The following DCC variants were observed in gnomAD, a reference collection of about 807,000 sequenced individuals.
DCC encodes the protein DCC netrin 1 receptor, also known as netrin receptor DCC.
In DCC, 58 loss-of-function variants were observed where a neutral mutation model predicts 172.5. The ratio of observed to expected loss-of-function variants is 0.34; its 90% CI spans 0.27 to 0.42. The LOEUF is 0.42. Ranked by LOEUF, DCC falls within the 10% of genes least tolerant of loss-of-function variation. The pLI is 1.00. For synonymous variants in DCC, 709 were observed against 644.5 expected (o/e 1.10, Z -1.52); for missense variants, 1,740 against 1,791.0 (o/e 0.97, Z 0.51).
intron 2 of DCC, among the ~76,000 whole-genome samples, chr18:52,884,134 C>T (rs558344353): frequency 6.6e-6 from 1 of 152,000 alleles, no homozygotes; most frequent in South Asian, 2.1e-4. Flanking sequence ...ATGATCCTTT[C>T]TTTATCCTTG....
intron 8 of DCC, among the ~76,000 whole-genome samples, chr18:53,177,512 A>G (rs941588162): frequency 1.3e-5 from 2 of 152,120 alleles, no homozygotes; most frequent in Non-Finnish European, 2.9e-5. Context: ...TTCTGACTCT[A>G]TAAGGTATGG....
chr18:52,343,374 AT>A (rs778792697), intron 1 of DCC, among the ~76,000 whole-genome samples: 1 of 152,170 alleles, frequency 6.6e-6, no homozygotes, highest in South Asian at 2.1e-4. Context: ...GACTTTGTTG[AT>A]TGGTAACAAA....
At chr18:52,887,317 T>A (rs944143174) in intron 2 of DCC, among the ~76,000 whole-genome samples, 24 of 152,176 alleles carry the variant, frequency 1.6e-4, no homozygotes, top group African/African-American at 5.1e-4. Context: ...TTTTTTTTTT[T>A]TAAACTATCA....
At chr18:53,236,805 C>T (rs2056208830) in intron 12 of DCC, among the ~76,000 whole-genome samples, 1 of 152,008 alleles carries the variant, frequency 6.6e-6, no homozygotes, top group African/African-American at 2.4e-5. Flanking sequence ...GTTTTGTCGG[C>T]ACCATTTATT....
chr18:52,840,296 C>G (rs1023415206), intron 2 of DCC, among the ~76,000 whole-genome samples: 3 of 152,152 alleles, frequency 2.0e-5, no homozygotes, highest in Non-Finnish European at 4.4e-5. Context: ...AACATTTTAT[C>G]TGATGCTTTC....
chr18:53,528,610 A>G (rs2046485732), intron 28 of DCC, among the ~76,000 whole-genome samples: 1 of 152,144 alleles, frequency 6.6e-6, no homozygotes. Flanking sequence ...AATAAAGAGG[A>G]CAAATAGTGT....
At chr18:52,510,728 G>A (rs1217675575) in intron 1 of DCC, among the ~76,000 whole-genome samples, 2 of 152,168 alleles carry the variant, frequency 1.3e-5, no homozygotes, top group Non-Finnish European at 2.9e-5. Context: ...CGTAGGGAAT[G>A]TACTCTATTA....
intron 15 of DCC, among the ~76,000 whole-genome samples, chr18:53,351,339 A>ATATATATATACAG (rs2057797425): frequency 1.6e-5 from 1 of 64,436 alleles, no homozygotes; most frequent in Non-Finnish European, 3.6e-5. Flanking sequence ...TATACAGTGT[A>ATATATATATACAG]TATATATATA....
intron 5 of DCC, among the ~76,000 whole-genome samples, chr18:53,011,058 G>T (rs891366397): frequency 6.6e-6 from 1 of 151,250 alleles, no homozygotes; most frequent in East Asian, 1.9e-4. Context: ...TTTATACAAG[G>T]TATTAAATAT....
chr18:53,305,421 C>G (rs747893467), intron 12 of DCC, among the ~76,000 whole-genome samples, 157 bp from the exon 13 acceptor site: 6 of 152,194 alleles, frequency 3.9e-5, no homozygotes, highest in Non-Finnish European at 8.8e-5. Context: ...AGAATGCTGT[C>G]AGATTATAAG....
chr18:53,119,640 G>A (rs565438178), intron 7 of DCC, among the ~76,000 whole-genome samples: 1 of 151,920 alleles, frequency 6.6e-6, no homozygotes, highest in African/African-American at 2.4e-5. Flanking sequence ...TATTTTCATT[G>A]GGGGTTCTAA....
intron 12 of DCC, among the ~76,000 whole-genome samples, chr18:53,225,319 T>TAAACA (rs762007532): frequency 4.6e-5 from 7 of 152,190 alleles, no homozygotes; most frequent in Non-Finnish European, 5.9e-5. Flanking sequence ...TGTTATTGTT[T>TAAACA]GTTTCATTTA....
intron 7 of DCC, among the ~76,000 whole-genome samples, chr18:53,154,828 C>T (rs746591633): frequency 6.6e-6 from 1 of 152,098 alleles, no homozygotes; most frequent in African/African-American, 2.4e-5. Flanking sequence ...AATAAATTCA[C>T]TCCAGTGTGT....
intron 27 of DCC, among the ~76,000 whole-genome samples, chr18:53,525,398 T>A (rs1191070323): frequency 1.3e-5 from 2 of 152,124 alleles, no homozygotes; most frequent in Non-Finnish European, 2.9e-5. Flanking sequence ...CACCCTTTTA[T>A]GATAAATCAC....
intron 1 of DCC, among the ~76,000 whole-genome samples, chr18:52,610,645 G>A (rs2034260133): frequency 6.6e-6 from 1 of 152,120 alleles, no homozygotes; most frequent in South Asian, 2.1e-4. Context: ...TAAAGGATCA[G>A]AAGTAAATAT....
At chr18:53,419,684 G>A (rs560110692) in intron 21 of DCC, among the ~76,000 whole-genome samples, 4 of 152,026 alleles carry the variant, frequency 2.6e-5, no homozygotes, top group South Asian at 4.2e-4. Context: ...CTTAATTCTC[G>A]TAACAATACT....
chr18:53,160,599 C>T (rs894435825), intron 8 of DCC, among the ~76,000 whole-genome samples: 1 of 152,186 alleles, frequency 6.6e-6, no homozygotes, highest in Non-Finnish European at 1.5e-5. Flanking sequence ...AAAGGTGTAA[C>T]TGGGCTGATT....
chr18:53,386,570 T>G (rs1393707765), intron 16 of DCC, among the ~76,000 whole-genome samples: 1 of 152,068 alleles, frequency 6.6e-6, no homozygotes, highest in African/African-American at 2.4e-5. Context: ...TCTTTCAAAC[T>G]AAGATGACAA....
chr18:52,834,714 T>C (rs1161832371), intron 2 of DCC, among the ~76,000 whole-genome samples: 1 of 152,198 alleles, frequency 6.6e-6, no homozygotes, highest in Non-Finnish European at 1.5e-5. Flanking sequence ...ATTTGAAAAA[T>C]TAGAAAAGAA....
Sources: allele counts gnomAD v4.1 joint callset (sites outside exome capture counted in the v4.1 genomes callset), GRCh38; gene constraint gnomAD v4.1.1; transcripts MANE v1.5; gene names NCBI Gene and HGNC (gene_info 2026-07-23, HGNC 2026-07-21).